Variants in CDH23 observed in about 807,000 individuals in gnomAD.
CDH23 encodes the protein cadherin related 23, also known as cadherin-23.
A neutral mutation model predicts 317.1 loss-of-function variants in CDH23; 189 were observed. That is an observed-to-expected ratio of 0.60 (90% CI 0.53 to 0.67). CDH23 has a LOEUF of 0.67. CDH23 is among the 30% of genes least tolerant of loss of function. The pLI, the probability that CDH23 is intolerant of heterozygous loss-of-function variation, is 0.00. For synonymous variants in CDH23, 1,839 were observed against 1,876.8 expected, an observed-to-expected ratio of 0.98 and a Z score of 0.52; for missense variants, 4,401 against 4,592.4, an observed-to-expected ratio of 0.96 and a Z score of 1.20.
intron 1 of CDH23, among the ~76,000 whole-genome samples, chr10:71,410,966 T>C (rs138111393): frequency 2.6e-5 from 4 of 152,368 alleles, no homozygotes; most frequent in African/African-American, 7.2e-5. Flanking sequence ...GGTGTACATA[T>C]AGGTATATGC....
intron 3 of CDH23, among the ~76,000 whole-genome samples, chr10:71,488,981 G>A (rs1852500849): frequency 6.6e-6 from 1 of 152,182 alleles, no homozygotes; most frequent in African/African-American, 2.4e-5. Flanking sequence ...TACCTTGAAG[G>A]TAGTCTGTTT....
chr10:71,799,018 G>A lies in CDH23; in HGVS notation c.7055-93G>A, dbSNP rs185036755. Reference sequence around the variant, plus strand: ...CACCCTCCTTCAAGTGACCACAGCTGCCCCTCGGAGTCCAGGTCTTTCTCC... The same window carrying A: ...CACCCTCCTTCAAGTGACCACAGCTACCCCTCGGAGTCCAGGTCTTTCTCC... On this transcript the variant is annotated intron_variant, in intron 50 of 69. Coordinates refer to ENST00000224721, the MANE Select transcript of CDH23 (RefSeq NM_022124.6). 3.1e-4 allele frequency: 389 copies of A among 1,243,958 alleles called. 1 individual carries two copies. The East Asian group carries it at 7.3e-3, about 23-fold the overall frequency. The allele number at this position is 1,243,958 out of a possible 1,614,324, so 77.1% of individuals were successfully genotyped here.
chr10:71,704,586 G>A (rs1042873110), intron 24 of CDH23, among the ~76,000 whole-genome samples: 5 of 152,168 alleles, frequency 3.3e-5, no homozygotes, highest in African/African-American at 1.2e-4. Context: ...TCCAAATCTG[G>A]GAGGGCTTCC....
chr10:71,752,885 C>A, intron 38 of CDH23: 1 of 1,464,386 alleles, frequency 6.8e-7, no homozygotes, highest in South Asian at 1.2e-5. Flanking sequence ...CTGCTCTAGG[C>A]AGCTAAACAG....
intron 3 of CDH23, among the ~76,000 whole-genome samples, chr10:71,463,468 C>T (rs1851105024): frequency 6.6e-6 from 1 of 152,178 alleles, no homozygotes; most frequent in Non-Finnish European, 1.5e-5. Context: ...GGTTGAGGGC[C>T]ACCCCGCATC....
chr10:71,454,825 C>G (rs10823757), intron 3 of CDH23, among the ~76,000 whole-genome samples: 3 of 150,574 alleles, frequency 2.0e-5, no homozygotes, highest in Non-Finnish European at 4.4e-5. Context: ...TAAATACATA[C>G]TATATTTTTT....
At chr10:71,576,519 G>C (rs1012660089) in intron 8 of CDH23, among the ~76,000 whole-genome samples, 5 of 152,136 alleles carry the variant, frequency 3.3e-5, no homozygotes, top group Non-Finnish European at 5.9e-5. Context: ...GGTGCAGCTC[G>C]GGCTTCAGCC....
At chr10:71,746,459 A>G (rs1839855210) in intron 38 of CDH23, among the ~76,000 whole-genome samples, 1 of 152,240 alleles carries the variant, frequency 6.6e-6, no homozygotes, top group Non-Finnish European at 1.5e-5. Flanking sequence ...TGCAAGGGGT[A>G]TCTGGGCCAG....
At chr10:71,760,272 T>C (rs561519647) in intron 38 of CDH23, among the ~76,000 whole-genome samples, 2 of 114,932 alleles carry the variant, frequency 1.7e-5, no homozygotes, top group Non-Finnish European at 3.9e-5. Flanking sequence ...TATATACATA[T>C]ATATGTATGT....
intron 38 of CDH23, among the ~76,000 whole-genome samples, chr10:71,768,498 G>C (rs1285222197): frequency 6.6e-6 from 1 of 151,828 alleles, no homozygotes; most frequent in Admixed American, 6.6e-5. Flanking sequence ...TAGTGAGCTA[G>C]GGTCTTGCTC....
At chr10:71,635,490 A>C (rs1862223766) in intron 11 of CDH23, among the ~76,000 whole-genome samples, 1 of 152,226 alleles carries the variant, frequency 6.6e-6, no homozygotes, top group Non-Finnish European at 1.5e-5. Context: ...AAAATCAATC[A>C]TTTGGAGCAG....
intron 11 of CDH23, among the ~76,000 whole-genome samples, chr10:71,632,730 A>G (rs555135641): frequency 5.3e-5 from 8 of 151,856 alleles, no homozygotes; most frequent in Admixed American, 1.3e-4. Context: ...TCACCTGAAC[A>G]CCCTCCACCA....
chr10:71,649,564 A>G (rs7097006), intron 14 of CDH23, among the ~76,000 whole-genome samples: 28,744 of 151,772 alleles, frequency 0.19, 2,978 homozygotes, highest in East Asian at 0.35. Context: ...AGACTTTCTC[A>G]CCTCCCAGGT....
At position 71,758,210 on chromosome 10, in the gene CDH23, A is replaced by G. The variant is rs527488360; in HGVS notation, c.4845+16289A>G. On this transcript the variant is annotated intron_variant, in intron 38 of 69. Coordinates refer to ENST00000224721, the MANE Select transcript of CDH23 (RefSeq NM_022124.6). ...CTTGGCCTGTTTGTTGGTTTGAAAA[A>G]AGGGTAGCTGAGTAAAAAGTCACTG... is the stretch of plus-strand genomic sequence containing the variant. 2.0e-5 allele frequency among the ~76,000 whole-genome samples: 3 copies of G among 152,252 alleles called. No individual in the cohort carries two copies. The East Asian group carries it at 5.8e-4, about 29-fold the overall frequency.
intron 6 of CDH23, among the ~76,000 whole-genome samples, chr10:71,513,372 C>T (rs1854102220): frequency 6.6e-6 from 1 of 152,156 alleles, no homozygotes; most frequent in Admixed American, 6.5e-5. Context: ...GGGGTACTAG[C>T]CCAGAGTCTA....
chr10:71,619,268 G>C (rs910880276), intron 11 of CDH23, among the ~76,000 whole-genome samples: 6 of 151,652 alleles, frequency 4.0e-5, no homozygotes, highest in African/African-American at 1.5e-4. Context: ...CTGGGAGGCG[G>C]AGGGTGCAGT....
chr10:71,480,915 C>T (rs1407615298), intron 3 of CDH23, among the ~76,000 whole-genome samples: 1 of 152,030 alleles, frequency 6.6e-6, no homozygotes, highest in Non-Finnish European at 1.5e-5. Flanking sequence ...GTTTTTGGAG[C>T]TGGACAGGTA....
intron 6 of CDH23, among the ~76,000 whole-genome samples, chr10:71,526,355 A>G (rs1446693846): frequency 6.6e-6 from 1 of 152,362 alleles, no homozygotes; most frequent in East Asian, 1.9e-4. Flanking sequence ...GGAGGCAGGA[A>G]GAGGGACTGC....
chr10:71,600,962 A>G (rs1315759914), intron 9 of CDH23, among the ~76,000 whole-genome samples: 1 of 152,100 alleles, frequency 6.6e-6, no homozygotes, highest in Non-Finnish European at 1.5e-5. Flanking sequence ...GATGACTCTG[A>G]CTCATACTCA....
Sources: gnomAD v4.1 joint callset for allele counts (sites outside exome capture counted in the v4.1 genomes callset) on GRCh38, gnomAD v4.1.1 for gene constraint, MANE v1.5 for transcripts, NCBI Gene and HGNC (gene_info 2026-07-23, HGNC 2026-07-21) for gene names.